The following PKNOX1 variants were observed in gnomAD, a reference collection of about 807,000 sequenced individuals.
PKNOX1 encodes the protein PBX/knotted 1 homeobox 1, also known as homeobox protein PKNOX1.
A neutral mutation model predicts 51.9 loss-of-function variants in PKNOX1; 15 were observed. That is an observed-to-expected ratio of 0.29 (90% confidence interval 0.19 to 0.45). PKNOX1 has a LOEUF of 0.45. Ranked by LOEUF, PKNOX1 falls within the 20% of genes least tolerant of loss-of-function variation. The pLI is 1.00. For synonymous variants in PKNOX1, 219 were observed against 211.1 expected (o/e 1.04, Z -0.32); for missense variants, 462 against 547.5 (o/e 0.84, Z 1.56).
rs1211028430 is a variant in PKNOX1, at chr21:43,029,742, T to C, written c.1100-148T>C. 5.4e-6 allele frequency: 4 copies of C among 736,360 alleles called. No individual in the cohort carries two copies. In the East Asian group the frequency reaches 7.8e-5, roughly 14 times the overall value. The allele number at this position is 736,360 out of a possible 1,614,324, so 45.6% of individuals were successfully genotyped here. On this transcript the variant is annotated intron_variant, in intron 10 of 10. Transcript: ENST00000291547. The stretch of plus-strand genomic sequence containing the variant: ...TACCGCGCCCGGCCCAGAAACAGTT[T>C]CTTAAATCCCTGTTGAACATTCCCT...
At chr21:42,979,332 T>C (rs942255391) in intron 1 of PKNOX1, among the ~76,000 whole-genome samples, 2 of 152,222 alleles carry the variant, frequency 1.3e-5, no homozygotes, top group Admixed American at 6.5e-5. Flanking sequence ...CTCCTGTTTT[T>C]GGAAAATTGG....
At chr21:43,023,447 G>A (rs533780373) in intron 8 of PKNOX1, among the ~76,000 whole-genome samples, 56 of 152,174 alleles carry the variant, frequency 3.7e-4, no homozygotes, top group African/African-American at 1.3e-3. Flanking sequence ...TGCTGGTACC[G>A]TTCATTCTCT....
intron 5 of PKNOX1, among the ~76,000 whole-genome samples, chr21:43,013,619 G>A (rs551967562): frequency 1.3e-5 from 2 of 152,044 alleles, no homozygotes; most frequent in South Asian, 4.2e-4. Flanking sequence ...ACATTGTTGG[G>A]CAACCATCAA....
chr21:43,009,393 C>T (rs1177832342), intron 3 of PKNOX1, among the ~76,000 whole-genome samples: 6 of 151,906 alleles, frequency 3.9e-5, no homozygotes, highest in Admixed American at 6.6e-5. Context: ...TGTGGTGAAC[C>T]GAGATCACGC....
Position 42,974,683 on chromosome 21 carries a change from G to GCTC in PKNOX1, c.-57+21_-57+23dup, listed in dbSNP as rs1387016500. On this transcript the variant is annotated intron_variant, in intron 1 of 10. Transcript: ENST00000291547. Reference sequence around the variant, plus strand: ...CACCCAGGTAAGCTGTCACTCAACCGCTCCGCCGCCGCCGCCGCCGCTCTC... The same window carrying GCTC: ...CACCCAGGTAAGCTGTCACTCAACCGCTCCTCCGCCGCCGCCGCCGCCGCTCTC... The GCTC allele has an allele frequency of 6.0e-6, 1 of 166,594 alleles. No individual in the cohort carries two copies. Among genetic ancestry groups the GCTC allele is most frequent in the Non-Finnish European group, 1.2e-5 (1 of 80,632 alleles). 10.3% of individuals were successfully genotyped at this position (166,594 alleles called of 1,614,324 possible).
rs1320713019 is a variant in PKNOX1, at chr21:43,006,541, T to G, written c.52-950T>G. Among the ~76,000 whole-genome samples the G allele has an allele frequency of 4.6e-5, 7 of 152,174 alleles. No homozygotes were observed. The East Asian group carries it at 1.3e-3, about 29-fold the overall frequency. On this transcript the variant is annotated intron_variant, in intron 2 of 10. Transcript: ENST00000291547. ...AGAAACATAAACAGTTTTCCTAATATGTTGTACCATTTAAAGGCAGCAGAA... is the reference window on the plus strand; with the variant it reads ...AGAAACATAAACAGTTTTCCTAATAGGTTGTACCATTTAAAGGCAGCAGAA...
chr21:43,025,076 G>A (rs543578542), intron 9 of PKNOX1, 129 bp downstream of exon 9: 38 of 635,958 alleles, frequency 6.0e-5, no homozygotes, highest in African/African-American at 3.0e-4. Context: ...CAACTGAGAC[G>A]GGGTCTTGCT....
rs1484588830 is a variant in PKNOX1 at position 43,021,365 on chromosome 21, C to T, written c.783C>T (p.Asn261=). 9 of 1,613,314 alleles carry T rather than the reference C, an allele frequency of 5.6e-6. No homozygotes were observed. Among genetic ancestry groups the T allele is most frequent in the East Asian group, 2.2e-5 (1 of 44,870 alleles). The change falls in exon 8 of 11, where the codon AAC becomes AAT. Residue 261 remains asparagine (N), a synonymous_variant. Coordinates refer to ENST00000291547, the MANE Select transcript of PKNOX1 (RefSeq NM_004571.5). The surrounding 1 kb of genome is among the most constrained non-coding windows in gnomAD (Gnocchi z 4.6). ...ATCAAGATGATGGTTCATCTAAGAA[C>T]AAGAGGGGCGTCCTGCCAAAGCATG... is the stretch of plus-strand genomic sequence containing the variant. ...ILHQDDGSSK[N]KRGVLPKHAT...
chr21:42,989,436 G>T lies in PKNOX1; in HGVS notation c.-57+14772G>T, dbSNP rs369990925. The stretch of plus-strand genomic sequence containing the variant: ...TCTGTTTCAATTTTTTATTTTTTTT[G>T]AGTCAGTCTCACTCTGTCACCCTGG... On this transcript the variant is annotated intron_variant, in intron 1 of 10. Coordinates refer to ENST00000291547, the MANE Select transcript of PKNOX1 (RefSeq NM_004571.5). 5.3e-5 allele frequency among the ~76,000 whole-genome samples: 8 copies of T among 150,810 alleles called. No homozygotes were observed. In the South Asian group the frequency reaches 6.3e-4, roughly 12 times the overall value.
chr21:43,018,036 C>T (rs1979567960), intron 6 of PKNOX1, 97 bp from the exon 7 acceptor site: 2 of 631,128 alleles, frequency 3.2e-6, no homozygotes, highest in South Asian at 1.9e-5. Flanking sequence ...AAAGCAATGT[C>T]CCTGTCTCTA....
At chr21:42,983,757 T>G (rs2059037990) in intron 1 of PKNOX1, among the ~76,000 whole-genome samples, 2 of 152,192 alleles carry the variant, frequency 1.3e-5, no homozygotes, top group South Asian at 4.1e-4. Context: ...TTTAATTTAA[T>G]TTATTTTTTA....
chr21:42,982,911 G>A (rs1471222808), intron 1 of PKNOX1, among the ~76,000 whole-genome samples: 1 of 151,764 alleles, frequency 6.6e-6, no homozygotes, highest in East Asian at 2.0e-4. Context: ...CCGGGTTCAG[G>A]CAATTCTCCT....
rs1174198061 is a variant in PKNOX1, at chr21:42,986,092, CAT to C, written c.-57+11431_-57+11432del. 3.3e-5 allele frequency among the ~76,000 whole-genome samples: 5 copies of C among 151,418 alleles called. No homozygotes were observed. In the East Asian group the frequency reaches 7.8e-4, roughly 24 times the overall value. On this transcript the variant is annotated intron_variant, in intron 1 of 10. Transcript: ENST00000291547. ...AGAATTTTGTTTTGTCTTTAGGGGA[CAT>C]ATGTGGGCCTTTGGGTTAGAAATAC...
chr21:43,007,243 A>C (rs1157184051), intron 2 of PKNOX1, among the ~76,000 whole-genome samples: 2 of 152,242 alleles, frequency 1.3e-5, no homozygotes, highest in African/African-American at 2.4e-5. Flanking sequence ...GGCCATCGCC[A>C]GTGTTATTTT....
In PKNOX1 at chr21:42,974,610, C is replaced by T. The variant is rs999727590; in HGVS notation, c.-111C>T. The T allele has an allele frequency of 2.6e-3, 402 of 152,936 alleles. 2 individuals carry two copies. The highest frequency in any genetic ancestry group is 3.7e-3 in the Non-Finnish European group (254 of 68,282). The allele number at this position is 152,936 out of a possible 1,614,324, so 9.5% of individuals were successfully genotyped here. ...GTGACGGTTGGACGCGGGCGCGGCA[C>T]TGCGGGTCCCGATTGCTGCAGCCGC... On this transcript the variant is annotated 5_prime_UTR_variant, in exon 1 of 11. Transcript: ENST00000291547.
Position 43,032,948 on chromosome 21 carries a change from C to T in PKNOX1, c.*2847C>T, listed in dbSNP as rs1601310879. Reference sequence around the variant, plus strand: ...ACCTTAAAACACCTGTTCTCCAGCCCTTGGACAGTGGAGAGAATCTGTAAA... The same window carrying T: ...ACCTTAAAACACCTGTTCTCCAGCCTTTGGACAGTGGAGAGAATCTGTAAA... On this transcript the variant is annotated 3_prime_UTR_variant, in exon 11 of 11. Transcript: ENST00000291547. 1 of 152,196 alleles carries T rather than the reference C, an allele frequency of 6.6e-6. No individual in the cohort carries two copies. Among genetic ancestry groups the T allele is most frequent in the Non-Finnish European group, 1.5e-5 (1 of 68,042 alleles). 9.4% of individuals were successfully genotyped at this position (152,196 alleles called of 1,614,324 possible).
chr21:43,012,650 A>G (rs901264921), intron 4 of PKNOX1, among the ~76,000 whole-genome samples: 1 of 152,228 alleles, frequency 6.6e-6, no homozygotes, highest in Non-Finnish European at 1.5e-5. Flanking sequence ...AGGCAAAGAC[A>G]CCAAAATGGA....
intron 1 of PKNOX1, among the ~76,000 whole-genome samples, chr21:43,000,648 AG>A (rs1193714997): frequency 6.6e-6 from 1 of 152,162 alleles, no homozygotes; most frequent in East Asian, 1.9e-4. Context: ...GCACTTTGGG[AG>A]GCTGAGGCAG....
rs772712931 is a variant in PKNOX1, at chr21:43,032,787, C to T, written c.*2686C>T. 1 of 152,300 alleles carries T rather than the reference C, an allele frequency of 6.6e-6. No individual in the cohort carries two copies. The highest frequency in any genetic ancestry group is 1.5e-5 in the Non-Finnish European group (1 of 68,094). 9.4% of individuals were successfully genotyped at this position (152,300 alleles called of 1,614,324 possible). A position where few individuals can be genotyped will look rare whatever the true frequency, so the allele number is the denominator to read the frequency against. On this transcript the variant is annotated 3_prime_UTR_variant, in exon 11 of 11. Transcript: ENST00000291547. The stretch of plus-strand genomic sequence containing the variant: ...ATTCAGAGGAATAGGATAAAGATCA[C>T]TTAGAGAAAGGGTGCTTATGGACAT...
Sources: allele counts gnomAD v4.1 joint callset (sites outside exome capture counted in the v4.1 genomes callset), GRCh38; gene constraint gnomAD v4.1.1; non-coding constraint Gnocchi (gnomAD v3.1); transcripts MANE v1.5; gene names NCBI Gene and HGNC (gene_info 2026-07-23, HGNC 2026-07-21).